WASHC3: variants seen among roughly 807,000 people sequenced by gnomAD.
WASHC3 encodes the protein WASH complex subunit 3.
WASHC3 carries 24 observed loss-of-function variants against 26.1 expected under a neutral mutation model. That is an observed-to-expected ratio of 0.92 (90% CI 0.66 to 1.29). WASHC3 has a LOEUF of 1.29. WASHC3 is among the 50% of genes most tolerant of loss of function. The pLI, the probability that WASHC3 is intolerant of heterozygous loss-of-function variation, is 0.00. For missense variants in WASHC3, 214 were observed against 229.6 expected (o/e 0.93, Z 0.44); for synonymous variants, 77 against 75.7 (o/e 1.02, Z -0.09).
At chr12:102,046,233 C>T in intron 2 of WASHC3, 114 bp from the exon 3 acceptor site, 2 of 629,706 alleles carry the variant, frequency 3.2e-6, no homozygotes, top group Non-Finnish European at 2.9e-6. Flanking sequence ...TATTCTAATA[C>T]AGTACTGTCT....
At chr12:102,044,343 CATAA>C in intron 3 of WASHC3, 131 bp from the exon 4 acceptor site, 1 of 385,610 alleles carries the variant, frequency 2.6e-6, no homozygotes, top group South Asian at 6.3e-5. Flanking sequence ...TTTTCCATGT[CATAA>C]ACTAAAAGTG....
At chr12:102,044,759 ATTAAAATATGTTTCTTC>A (rs1263269646) in intron 3 of WASHC3, among the ~76,000 whole-genome samples, 1 of 152,192 alleles carries the variant, frequency 6.6e-6, no homozygotes, top group Non-Finnish European at 1.5e-5. Context: ...ACTGAATGTT[ATTAAAATATGTTTCTTC>A]TATGCAAAAA....
At chr12:102,044,310 G>A in intron 3 of WASHC3, 98 bp from the exon 4 acceptor site, 1 of 451,568 alleles carries the variant, frequency 2.2e-6, no homozygotes, top group South Asian at 4.9e-5. Context: ...TATACAAATA[G>A]GTTCACAATA....
At chr12:102,041,884 A>G (rs1877953586) in intron 4 of WASHC3, among the ~76,000 whole-genome samples, 1 of 152,082 alleles carries the variant, frequency 6.6e-6, no homozygotes, top group South Asian at 2.1e-4. Flanking sequence ...ATACCAGGTT[A>G]TTCTGAATTT....
intron 2 of WASHC3, among the ~76,000 whole-genome samples, chr12:102,055,716 C>T (rs1220265091): frequency 6.6e-6 from 1 of 152,090 alleles, no homozygotes. Context: ...GAAGTTTTTG[C>T]TTTCTTTGTT....
chr12:102,060,495 G>T (rs1878760377), intron 2 of WASHC3, among the ~76,000 whole-genome samples: 1 of 152,122 alleles, frequency 6.6e-6, no homozygotes, highest in South Asian at 2.1e-4. Flanking sequence ...CAAGTCATTT[G>T]CAGAAAATAT....
chr12:102,025,135 C>T (rs1877121077), intron 6 of WASHC3, among the ~76,000 whole-genome samples: 1 of 152,002 alleles, frequency 6.6e-6, no homozygotes, highest in African/African-American at 2.4e-5. Context: ...GGACTGAGAG[C>T]CAAGAAAAAT....
intron 5 of WASHC3, among the ~76,000 whole-genome samples, chr12:102,034,579 A>G (rs1406189036): frequency 6.6e-6 from 1 of 152,206 alleles, no homozygotes; most frequent in Non-Finnish European, 1.5e-5. Flanking sequence ...GGAAGAACCA[A>G]AAGATTATGT....
At chr12:102,038,946 CATTATT>C (rs533868936) in intron 5 of WASHC3, among the ~76,000 whole-genome samples, 1 of 151,054 alleles carries the variant, frequency 6.6e-6, no homozygotes, top group Non-Finnish European at 1.5e-5. Flanking sequence ...TTTACAAAAG[CATTATT>C]ATTATTATTA....
In WASHC3 at chr12:102,061,971, C is replaced by T. The variant is rs1291038154; in HGVS notation, c.-9G>A. The stretch of plus-strand genomic sequence containing the variant: ...AGCCCGTCCTCATCCATCTCCTCAG[C>T]GGGCGGTGGACCCCGAGTTCACCCA... On this transcript the variant is annotated 5_prime_UTR_variant, in exon 1 of 7. Coordinates refer to ENST00000240079, the MANE Select transcript of WASHC3 (RefSeq NM_016053.4). 8 of 1,592,728 alleles carry T rather than the reference C, an allele frequency of 5.0e-6. No homozygotes were observed. The highest frequency in any genetic ancestry group is 6.8e-6 in the Non-Finnish European group (8 of 1,168,450).
At chr12:102,039,657 GTTAAT>G (rs989555287) in intron 5 of WASHC3, among the ~76,000 whole-genome samples, 3 of 149,118 alleles carry the variant, frequency 2.0e-5, no homozygotes, top group African/African-American at 7.4e-5. Flanking sequence ...ATTAAACTAT[GTTAAT>G]TTAAAGTGTG....
chr12:102,020,282 G>C (rs1876896499), intron 6 of WASHC3, among the ~76,000 whole-genome samples: 1 of 152,174 alleles, frequency 6.6e-6, no homozygotes, highest in Admixed American at 6.5e-5. Flanking sequence ...GGAAGTAAAG[G>C]TAGAATGAGG....
At chr12:102,061,727 G>A (rs1878819501) in intron 1 of WASHC3, among the ~76,000 whole-genome samples, 185 bp downstream of exon 1, 1 of 152,156 alleles carries the variant, frequency 6.6e-6, no homozygotes, top group African/African-American at 2.4e-5. Context: ...TCCTTAATCA[G>A]CTCAGGAGGG....
intron 5 of WASHC3, among the ~76,000 whole-genome samples, chr12:102,031,710 CA>C (rs1403653281): frequency 3.3e-5 from 5 of 151,704 alleles, no homozygotes; most frequent in African/African-American, 1.2e-4. Flanking sequence ...TTCATGTACT[CA>C]AAAAATACTG....
chr12:102,052,164 G>A (rs117347658), intron 2 of WASHC3, among the ~76,000 whole-genome samples: 2 of 152,288 alleles, frequency 1.3e-5, no homozygotes, highest in East Asian at 1.9e-4. Context: ...TAGCACAAAA[G>A]TAAGAAAAAA....
intron 5 of WASHC3, among the ~76,000 whole-genome samples, chr12:102,028,609 T>A (rs1877298600): frequency 6.6e-6 from 1 of 151,868 alleles, no homozygotes; most frequent in South Asian, 2.1e-4. Context: ...AAAAAAAATT[T>A]CCTAAAATAT....
At chr12:102,025,514 T>G (rs547243912) in intron 6 of WASHC3, among the ~76,000 whole-genome samples, 2 of 152,020 alleles carry the variant, frequency 1.3e-5, no homozygotes, top group South Asian at 4.1e-4. Flanking sequence ...AGCCTATTTA[T>G]TTCTCAATCT....
intron 5 of WASHC3, among the ~76,000 whole-genome samples, chr12:102,032,260 C>G (rs967610575): frequency 1.3e-5 from 2 of 152,082 alleles, no homozygotes; most frequent in Non-Finnish European, 2.9e-5. Context: ...GAAAATAGAG[C>G]TTTAAAAAAA....
chr12:102,035,942 C>T (rs960260659), intron 5 of WASHC3, among the ~76,000 whole-genome samples: 8 of 151,992 alleles, frequency 5.3e-5, no homozygotes, highest in Admixed American at 2.6e-4. Flanking sequence ...TGGACGCAAT[C>T]GTAGGAGCAT....
Sources: allele counts gnomAD v4.1 joint callset (sites outside exome capture counted in the v4.1 genomes callset), GRCh38; gene constraint gnomAD v4.1.1; transcripts MANE v1.5; gene names NCBI Gene and HGNC (gene_info 2026-07-23, HGNC 2026-07-21).